Variants in DTNB observed in about 807,000 individuals in gnomAD.
DTNB encodes the protein dystrobrevin beta, also known as DTN-B.
Under a neutral mutation model 90.7 loss-of-function variants are expected in DTNB, and 63 were observed. That is an observed-to-expected ratio of 0.69 (90% CI 0.57 to 0.86). DTNB has a LOEUF of 0.86. Ranked by LOEUF, DTNB falls within the 40% of genes least tolerant of loss-of-function variation. DTNB has a pLI of 0.00. For synonymous variants in DTNB, 277 were observed against 286.7 expected (o/e 0.97, Z 0.34); for missense variants, 744 against 807.1 (o/e 0.92, Z 0.95).
chr2:25,521,837 C>T (rs1258022792), intron 9 of DTNB, among the ~76,000 whole-genome samples: 4 of 152,194 alleles, frequency 2.6e-5, no homozygotes, highest in African/African-American at 7.2e-5. Context: ...TATAGTTTGC[C>T]CACCCCTATT....
intron 3 of DTNB, among the ~76,000 whole-genome samples, chr2:25,633,750 G>A (rs565527707): frequency 6.6e-6 from 1 of 151,564 alleles, no homozygotes; most frequent in African/African-American, 2.4e-5. Context: ...ATCCCATCTA[G>A]GAAGTGAGGA....
At chr2:25,520,363 C>T (rs761933401) in intron 9 of DTNB, among the ~76,000 whole-genome samples, 17 of 152,194 alleles carry the variant, frequency 1.1e-4, no homozygotes, top group Non-Finnish European at 1.9e-4. Context: ...CAGAGCAAGA[C>T]TCCGTCTCAA....
chr2:25,503,405 AT>A (rs2071373602), intron 9 of DTNB, among the ~76,000 whole-genome samples: 1 of 152,022 alleles, frequency 6.6e-6, no homozygotes, highest in Non-Finnish European at 1.5e-5. Context: ...AGGTGGGAGG[AT>A]CACTTGAGCC....
chr2:25,595,995 C>G, intron 6 of DTNB, 91 bp downstream of exon 6: 1 of 1,174,142 alleles, frequency 8.5e-7, no homozygotes, highest in Non-Finnish European at 1.1e-6. Flanking sequence ...CAAGACCTTA[C>G]TAGACTGGAA....
intron 16 of DTNB, among the ~76,000 whole-genome samples, chr2:25,406,686 T>A (rs532669688): frequency 8.5e-5 from 13 of 152,246 alleles, no homozygotes; most frequent in African/African-American, 3.1e-4. Flanking sequence ...ATGTCACTAA[T>A]GCTGAGAATG....
intron 8 of DTNB, among the ~76,000 whole-genome samples, chr2:25,559,403 C>G (rs867575395): frequency 2.6e-5 from 4 of 152,172 alleles, no homozygotes; most frequent in African/African-American, 9.6e-5. Context: ...ACCCCTCAAA[C>G]AACTAGACCT....
At chr2:25,580,873 TC>T (rs756080160) in intron 6 of DTNB, 47 bp from the exon 7 acceptor site, 1 of 1,510,468 alleles carries the variant, frequency 6.6e-7, no homozygotes, top group Non-Finnish European at 9.1e-7. Flanking sequence ...TTTAGGAATC[TC>T]CAAACTCCAA....
chr2:25,574,116 C>T (rs746456155), intron 8 of DTNB, among the ~76,000 whole-genome samples: 2 of 152,098 alleles, frequency 1.3e-5, no homozygotes, highest in Non-Finnish European at 2.9e-5. Context: ...TTTAGCTACA[C>T]GAAGGCTGAA....
At chr2:25,517,690 A>AC in intron 9 of DTNB, among the ~76,000 whole-genome samples, 1 of 152,346 alleles carries the variant, frequency 6.6e-6, no homozygotes, top group Non-Finnish European at 1.5e-5. Context: ...AGGAATACAT[A>AC]CAAAAGAACT....
intron 8 of DTNB, among the ~76,000 whole-genome samples, chr2:25,535,816 G>C (rs1558929991): frequency 6.9e-6 from 1 of 145,832 alleles, no homozygotes; most frequent in Non-Finnish European, 1.5e-5. Context: ...GCCGGGCAGA[G>C]GTGCTCCTCA....
intron 1 of DTNB, among the ~76,000 whole-genome samples, chr2:25,656,281 G>A (rs1351912209): frequency 6.6e-6 from 1 of 152,196 alleles, no homozygotes; most frequent in African/African-American, 2.4e-5. Context: ...CCCAGTCAAA[G>A]GTGACTCCAT....
In DTNB at chr2:25,541,036, A is replaced by T. The variant is rs550838122; in HGVS notation, c.877-9439T>A. 4.1e-5 allele frequency among the ~76,000 whole-genome samples: 6 copies of T among 147,878 alleles called. No individual in the cohort carries two copies. In the East Asian group the frequency reaches 9.8e-4, roughly 24 times the overall value. On this transcript the variant is annotated intron_variant, in intron 8 of 20. Coordinates refer to ENST00000406818, the MANE Select transcript of DTNB (RefSeq NM_021907.5). ...GAGAAACACCCAAGAATGATCAATT[A>T]AAAAAAAAAAGAAAACAAAAAAAAA...
chr2:25,673,214 G>C (rs1249216322), intron 1 of DTNB, among the ~76,000 whole-genome samples, 172 bp downstream of exon 1: 1 of 151,432 alleles, frequency 6.6e-6, no homozygotes, highest in African/African-American at 2.4e-5. Flanking sequence ...AGCCGCGCGC[G>C]GTGCAGCGGC....
chr2:25,667,333 A>G (rs2084689961), intron 1 of DTNB, among the ~76,000 whole-genome samples: 1 of 151,972 alleles, frequency 6.6e-6, no homozygotes, highest in South Asian at 2.1e-4. Flanking sequence ...TACTAAAAAT[A>G]CAAAAATTAG....
At chr2:25,423,645 C>G (rs1273353883) in intron 15 of DTNB, among the ~76,000 whole-genome samples, 3 of 151,912 alleles carry the variant, frequency 2.0e-5, no homozygotes, top group Admixed American at 2.0e-4. Context: ...GCAGACAACC[C>G]CTTTTAAATT....
chr2:25,627,444 T>C (rs187960005), intron 4 of DTNB, among the ~76,000 whole-genome samples: 180 of 151,904 alleles, frequency 1.2e-3, no homozygotes, highest in Middle Eastern at 3.4e-3. Context: ...TCAGTTACTA[T>C]AGTCCAATAT....
rs200751493 is a variant in DTNB at position 25,509,420 on chromosome 2, G to A, written c.1001+22053C>T. 3.0e-4 allele frequency among the ~76,000 whole-genome samples: 45 copies of A among 152,232 alleles called. No homozygotes were observed. The East Asian group carries it at 7.1e-3, about 24-fold the overall frequency. On this transcript the variant is annotated intron_variant, in intron 9 of 20. Transcript: ENST00000406818. ...GCCTAAGATCATTTTCCTTCTCCTC[G>A]AAACATACCCTTTACAAATTCCTTT...
At position 25,668,067 on chromosome 2, in the gene DTNB, G is replaced by A. The variant is rs553131827; in HGVS notation, c.-2+5319C>T. On this transcript the variant is annotated intron_variant, in intron 1 of 20. Coordinates refer to ENST00000406818, the MANE Select transcript of DTNB (RefSeq NM_021907.5). ...ATCCTGGTTAACATGGTGAAACCCC[G>A]TCTCTACTAAAAATACAAAAAATTA... 5.3e-5 allele frequency among the ~76,000 whole-genome samples: 8 copies of A among 152,078 alleles called. No individual in the cohort carries two copies. In the South Asian group the frequency reaches 6.2e-4, roughly 12 times the overall value.
chr2:25,574,344 T>A (rs925510704), intron 8 of DTNB, among the ~76,000 whole-genome samples: 1 of 152,124 alleles, frequency 6.6e-6, no homozygotes, highest in African/African-American at 2.4e-5. Context: ...ACAGGATAAA[T>A]CTCAGATATG....
Sources: gnomAD v4.1 joint callset for allele counts (sites outside exome capture counted in the v4.1 genomes callset) on GRCh38, gnomAD v4.1.1 for gene constraint, MANE v1.5 for transcripts, NCBI Gene and HGNC (gene_info 2026-07-23, HGNC 2026-07-21) for gene names.